Variants in MSRB2 observed in about 807,000 individuals in gnomAD.
MSRB2 encodes the protein methionine sulfoxide reductase B2.
In MSRB2, 17 loss-of-function variants were observed where a neutral mutation model predicts 19.0. The ratio of observed to expected loss-of-function variants is 0.89; its 90% confidence interval spans 0.61 to 1.34. The LOEUF is 1.34. MSRB2 is among the 40% of genes most tolerant of loss of function. MSRB2 has a pLI of 0.00. For synonymous variants in MSRB2, 107 were observed against 99.7 expected, an observed-to-expected ratio of 1.07 and a Z score of -0.44; for missense variants, 208 against 237.6, an observed-to-expected ratio of 0.88 and a Z score of 0.82.
intron 1 of MSRB2, among the ~76,000 whole-genome samples, chr10:23,096,730 A>G (rs984173990): frequency 3.3e-5 from 5 of 152,234 alleles, no homozygotes; most frequent in East Asian, 1.9e-4. Flanking sequence ...CTTGACTTCC[A>G]GCTATGGCCT....
chr10:23,098,837 C>G (rs2131620915), intron 1 of MSRB2, among the ~76,000 whole-genome samples: 1 of 152,226 alleles, frequency 6.6e-6, no homozygotes, highest in East Asian at 1.9e-4. Flanking sequence ...GCTAGGGATC[C>G]CATAACAAAA....
intron 1 of MSRB2, among the ~76,000 whole-genome samples, chr10:23,101,813 T>C (rs1223266825): frequency 2.0e-5 from 3 of 152,172 alleles, no homozygotes; most frequent in African/African-American, 7.2e-5. Context: ...GAGAAGATAG[T>C]TTTTTAAATA....
At chr10:23,112,758 A>G (rs1391827001) in intron 3 of MSRB2, among the ~76,000 whole-genome samples, 1 of 151,786 alleles carries the variant, frequency 6.6e-6, no homozygotes, top group Non-Finnish European at 1.5e-5. Context: ...AATTTTTTGT[A>G]TTATTAGTAG....
chr10:23,108,025 A>G (rs1840003408), intron 2 of MSRB2, among the ~76,000 whole-genome samples: 1 of 151,306 alleles, frequency 6.6e-6, no homozygotes, highest in Non-Finnish European at 1.5e-5. Context: ...CAATGGTGCA[A>G]TCTTGACCCA....
rs1839853279 is a variant in MSRB2 at position 23,095,732 on chromosome 10, A to G, written c.118+6A>G. ...GCCGGGACTGGGGGAGGCAGGTAGG[A>G]CGCGGGTCCCGCAGGCCCCGCCGCC... is the stretch of plus-strand genomic sequence containing the variant. On this transcript the variant is annotated splice_donor_region_variant and intron_variant, in intron 1 of 4. Coordinates refer to ENST00000376510, the MANE Select transcript of MSRB2 (RefSeq NM_012228.4). 2 of 1,249,410 alleles carry G rather than the reference A, an allele frequency of 1.6e-6. No homozygotes were observed. Among genetic ancestry groups the G allele is most frequent in the Non-Finnish European group, 1.0e-6 (1 of 998,894 alleles). 77.4% of individuals were successfully genotyped at this position (1,249,410 alleles called of 1,614,324 possible). A position where few individuals can be genotyped will look rare whatever the true frequency, so the allele number is the denominator to read the frequency against.
intron 4 of MSRB2, among the ~76,000 whole-genome samples, chr10:23,120,455 T>A (rs1489892385): frequency 1.3e-5 from 2 of 152,226 alleles, no homozygotes; most frequent in African/African-American, 4.8e-5. Context: ...ATGTAATATA[T>A]CAATTAATTG....
intron 1 of MSRB2, among the ~76,000 whole-genome samples, chr10:23,102,502 T>C (rs903219949): frequency 6.6e-6 from 1 of 152,180 alleles, no homozygotes; most frequent in African/African-American, 2.4e-5. Context: ...CTTATGTGAT[T>C]TTTTCTTCAT....
At chr10:23,104,334 C>A (rs2131624431) in intron 2 of MSRB2, 90 bp downstream of exon 2, 1 of 960,646 alleles carries the variant, frequency 1.0e-6, no homozygotes, top group Non-Finnish European at 1.6e-6. Context: ...CCCAGCTGCC[C>A]AGCAACACTC....
chr10:23,105,709 T>C (rs79131824), intron 2 of MSRB2, among the ~76,000 whole-genome samples: 3,306 of 152,276 alleles, frequency 0.022, 106 homozygotes, highest in African/African-American at 0.065. Context: ...GCTTCAAACA[T>C]AGTAGAGTAT....
intron 2 of MSRB2, 44 bp from the exon 3 acceptor site, chr10:23,110,198 G>T (rs1269922985): frequency 6.8e-7 from 1 of 1,474,882 alleles, no homozygotes; most frequent in Non-Finnish European, 9.5e-7. Context: ...ACTCCTGCCA[G>T]TAGTATGAGA....
chr10:23,120,657 A>G lies in MSRB2; in HGVS notation c.445-101A>G, dbSNP rs368439186. Reference sequence around the variant, plus strand: ...GACTTTTTCTCCTAACACAGATGTCAGACTCCGGAGTGGAGTGATTTTGGG... The same window carrying G: ...GACTTTTTCTCCTAACACAGATGTCGGACTCCGGAGTGGAGTGATTTTGGG... On this transcript the variant is annotated intron_variant, in intron 4 of 4. Transcript: ENST00000376510. 120 of 739,232 alleles carry G rather than the reference A, an allele frequency of 1.6e-4. 1 individual carries two copies. In the East Asian group the frequency reaches 3.0e-3, roughly 19 times the overall value. The allele number at this position is 739,232 out of a possible 1,614,324, so 45.8% of individuals were successfully genotyped here. A position where few individuals can be genotyped will look rare whatever the true frequency, so the allele number is the denominator to read the frequency against.
chr10:23,117,752 A>G (rs1689820865), intron 3 of MSRB2, among the ~76,000 whole-genome samples: 1 of 152,136 alleles, frequency 6.6e-6, no homozygotes, highest in South Asian at 2.1e-4. Context: ...CACCATGCCC[A>G]GCTAGTTTTT....
chr10:23,111,879 ATTAAT>A (rs1195893944), intron 3 of MSRB2, among the ~76,000 whole-genome samples: 14 of 144,384 alleles, frequency 9.7e-5, no homozygotes, highest in Admixed American at 9.6e-4. Context: ...TTTAATTTTA[ATTAAT>A]TTAAACTTAA....
chr10:23,109,299 C>T (rs764423745), intron 2 of MSRB2, among the ~76,000 whole-genome samples: 9 of 152,142 alleles, frequency 5.9e-5, no homozygotes, highest in Non-Finnish European at 1.2e-4. Context: ...CCTGTAGTCC[C>T]AGCATTTTGA....
chr10:23,110,398 T>C (rs567882178), intron 3 of MSRB2, 80 bp downstream of exon 3: 2 of 1,161,620 alleles, frequency 1.7e-6, no homozygotes, highest in South Asian at 2.6e-5. Flanking sequence ...AGATCTTGGA[T>C]AAATAAATAC....
In MSRB2 at chr10:23,120,770, C is replaced by G; in HGVS notation, c.457C>G (p.Leu153Val). 6.2e-7 allele frequency: 1 copy of G among 1,613,894 alleles called. No homozygotes were observed. Among genetic ancestry groups the G allele is most frequent in the South Asian group, 1.1e-5 (1 of 91,018 alleles). ...EVVCKQCEAH[L>V]GHVFPDGPGP... ...CTGTCCTTTGCAGTGTGAAGCTCATCTAGGTCACGTGTTTCCTGATGGACC... is the reference window on the plus strand; with the variant it reads ...CTGTCCTTTGCAGTGTGAAGCTCATGTAGGTCACGTGTTTCCTGATGGACC... Residue 153 changes from leucine (L) to valine (V), a missense_variant, in exon 5 of 5, where the codon CTA becomes GTA. Transcript: ENST00000376510.
chr10:23,100,382 C>T (rs759735080), intron 1 of MSRB2, among the ~76,000 whole-genome samples: 2 of 152,106 alleles, frequency 1.3e-5, no homozygotes, highest in Non-Finnish European at 2.9e-5. Context: ...AGACAGGATC[C>T]TGAACAGAAG....
chr10:23,114,168 A>G (rs907459571), intron 3 of MSRB2, among the ~76,000 whole-genome samples: 3 of 152,022 alleles, frequency 2.0e-5, no homozygotes, highest in African/African-American at 7.2e-5. Context: ...TGACCAGTAT[A>G]GCAAAATCCT....
chr10:23,108,254 G>A (rs2131627359), intron 2 of MSRB2, among the ~76,000 whole-genome samples: 1 of 152,132 alleles, frequency 6.6e-6, no homozygotes, highest in South Asian at 2.1e-4. Context: ...CACCGCACCT[G>A]GCCTTCACTG....
Sources: allele counts gnomAD v4.1 joint callset (sites outside exome capture counted in the v4.1 genomes callset), GRCh38; gene constraint gnomAD v4.1.1; transcripts MANE v1.5; gene names NCBI Gene and HGNC (gene_info 2026-07-23, HGNC 2026-07-21).